TBC1D2B: variants seen among roughly 807,000 people sequenced by gnomAD.
TBC1D2B encodes the protein TBC1 domain family member 2B.
A neutral mutation model predicts 100.8 loss-of-function variants in TBC1D2B; 64 were observed. The observed-to-expected ratio is 0.64, with a 90% CI of 0.52 to 0.78. The LOEUF is 0.78. Among genes scored for constraint, TBC1D2B ranks in the 30% least tolerant of loss-of-function variants. The pLI, the probability that TBC1D2B is intolerant of heterozygous loss-of-function variation, is 0.00. For synonymous variants in TBC1D2B, 480 were observed against 479.7 expected, an observed-to-expected ratio of 1.00 and a Z score of -0.01; for missense variants, 1,052 against 1,218.4, an observed-to-expected ratio of 0.86 and a Z score of 2.03.
chr15:78,023,013 A>G (rs562453222), intron 6 of TBC1D2B, among the ~76,000 whole-genome samples: 1 of 152,312 alleles, frequency 6.6e-6, no homozygotes, highest in South Asian at 2.1e-4. Context: ...TATTCCAGCC[A>G]TGCTGCCATG....
rs117858506 is a variant in TBC1D2B, at chr15:78,036,094, T to A, written c.684-5924A>T. ...AGTAGCTATGCACTGACATAGTGGATACTGTACAATCCCTCTAAGTCACAT... is the reference window on the plus strand; with the variant it reads ...AGTAGCTATGCACTGACATAGTGGAAACTGTACAATCCCTCTAAGTCACAT... On this transcript the variant is annotated intron_variant, in intron 3 of 12. Transcript: ENST00000300584. Among the ~76,000 whole-genome samples the A allele has an allele frequency of 3.7e-4, 57 of 152,338 alleles. No homozygotes were observed. The East Asian group carries it at 8.3e-3, about 22-fold the overall frequency.
At chr15:78,036,402 G>A (rs376706138) in intron 3 of TBC1D2B, among the ~76,000 whole-genome samples, 6 of 152,196 alleles carry the variant, frequency 3.9e-5, no homozygotes, top group African/African-American at 1.2e-4. Flanking sequence ...AATAATCATT[G>A]TGACGGTATT....
intron 3 of TBC1D2B, among the ~76,000 whole-genome samples, chr15:78,031,883 A>T (rs1390341423): frequency 6.6e-6 from 1 of 152,204 alleles, no homozygotes; most frequent in Non-Finnish European, 1.5e-5. Context: ...AGAGAGGGAA[A>T]GCCAATGAGG....
At chr15:78,042,957 G>A (rs1162317098) in intron 3 of TBC1D2B, among the ~76,000 whole-genome samples, 5 of 152,122 alleles carry the variant, frequency 3.3e-5, no homozygotes, top group Non-Finnish European at 5.9e-5. Context: ...AAGAAGGTGG[G>A]ACTGCAGCCA....
At position 77,997,907 on chromosome 15, in the gene TBC1D2B, T is replaced by G; in HGVS notation, c.*253A>C. 1 of 357,864 alleles carries G rather than the reference T, an allele frequency of 2.8e-6. No individual in the cohort carries two copies. Among genetic ancestry groups the G allele is most frequent in the South Asian group, 6.6e-5 (1 of 15,142 alleles). The allele number at this position is 357,864 out of a possible 1,614,324, so 22.2% of individuals were successfully genotyped here. On this transcript the variant is annotated 3_prime_UTR_variant, in exon 13 of 13. Coordinates refer to ENST00000300584, the MANE Select transcript of TBC1D2B (RefSeq NM_144572.2). ...AAATAGCCACTGGTAAGCCTGAGGA[T>G]CCACCAACCAGGCAGAAAGCGTGAC...
intron 1 of TBC1D2B, among the ~76,000 whole-genome samples, chr15:78,070,767 C>T (rs2073730953): frequency 6.6e-6 from 1 of 152,246 alleles, no homozygotes; most frequent in South Asian, 2.1e-4. Context: ...AAGCAGTCCT[C>T]CTGCCTCAGC....
In TBC1D2B at chr15:77,997,639, C is replaced by G. The variant is rs2071798133; in HGVS notation, c.*521G>C. On this transcript the variant is annotated 3_prime_UTR_variant, in exon 13 of 13. Coordinates refer to ENST00000300584, the MANE Select transcript of TBC1D2B (RefSeq NM_144572.2). Reference sequence around the variant, plus strand: ...CTTTCCTACAGTGGCCATTTCTGAACAAGGGATGTGCCTGCTTTTCTAAGG... The same window carrying G: ...CTTTCCTACAGTGGCCATTTCTGAAGAAGGGATGTGCCTGCTTTTCTAAGG... 6.6e-6 allele frequency: 1 copy of G among 152,350 alleles called. No homozygotes were observed. The highest frequency in any genetic ancestry group is 1.5e-5 in the Non-Finnish European group (1 of 68,112). 9.4% of individuals were successfully genotyped at this position (152,350 alleles called of 1,614,324 possible). A position where few individuals can be genotyped will look rare whatever the true frequency, so the allele number is the denominator to read the frequency against.
intron 1 of TBC1D2B, among the ~76,000 whole-genome samples, chr15:78,058,399 C>G (rs1052438929): frequency 6.6e-6 from 1 of 152,218 alleles, no homozygotes; most frequent in Non-Finnish European, 1.5e-5. Flanking sequence ...AAACAGGCGC[C>G]TCCATATCTC....
intron 1 of TBC1D2B, among the ~76,000 whole-genome samples, chr15:78,069,723 T>C (rs1223739940): frequency 6.6e-6 from 1 of 152,042 alleles, no homozygotes; most frequent in East Asian, 1.9e-4. Flanking sequence ...AGGAGAAAAA[T>C]ACATTTAGAT....
chr15:78,054,018 T>C lies in TBC1D2B; in HGVS notation c.514+16A>G. 6.2e-7 allele frequency: 1 copy of C among 1,606,370 alleles called. No individual in the cohort carries two copies. The highest frequency in any genetic ancestry group is 8.5e-7 in the Non-Finnish European group (1 of 1,177,168). ...ACACAAAGAACTGACCCAGCTCCCCTTTATTTCTGCCTTACCAGTGTTATC... is the reference window on the plus strand; with the variant it reads ...ACACAAAGAACTGACCCAGCTCCCCCTTATTTCTGCCTTACCAGTGTTATC... On this transcript the variant is annotated intron_variant, in intron 2 of 12. Coordinates refer to ENST00000300584, the MANE Select transcript of TBC1D2B (RefSeq NM_144572.2).
rs1293073104 is a variant in TBC1D2B, at chr15:78,037,050, T to C, written c.684-6880A>G. ...TTAAGACATCAGAGCAAACACCTAA[T>C]AAACATGCACAGCCTCAAAGAAACC... On this transcript the variant is annotated intron_variant, in intron 3 of 12. Coordinates refer to ENST00000300584, the MANE Select transcript of TBC1D2B (RefSeq NM_144572.2). Among the ~76,000 whole-genome samples, 4 of 152,132 alleles carry C rather than the reference T, an allele frequency of 2.6e-5. 1 individual carries two copies. The highest frequency in any genetic ancestry group is 2.6e-4 in the Admixed American group (4 of 15,276).
intron 9 of TBC1D2B, among the ~76,000 whole-genome samples, chr15:78,011,288 T>G (rs980193245): frequency 9.2e-5 from 14 of 152,148 alleles, no homozygotes; most frequent in African/African-American, 3.4e-4. Flanking sequence ...CCTGCAGTAC[T>G]CTCATTTCAG....
At chr15:78,068,418 C>CAT (rs1457227270) in intron 1 of TBC1D2B, among the ~76,000 whole-genome samples, 1 of 150,812 alleles carries the variant, frequency 6.6e-6, no homozygotes, top group African/African-American at 2.4e-5. Context: ...CACACACACA[C>CAT]ACAGAGGATA....
Position 78,045,040 on chromosome 15 carries a change from A to G in TBC1D2B, c.543T>C (p.Ser181=). The change falls in exon 3 of 13, where the codon TCT becomes TCC. Residue 181 remains serine (S), a synonymous_variant. Coordinates refer to ENST00000300584, the MANE Select transcript of TBC1D2B (RefSeq NM_144572.2). ...CTAGGACATTTCTGGCTTTTTCTGC[A>G]GAAGCATTTGGGTGTGGGTAAATTA... The part of the protein sequence containing the change: ...TDLIYPHPNA[S]AEKARNVLAV... The G allele has an allele frequency of 6.2e-7, 1 of 1,612,404 alleles. No individual in the cohort carries two copies. The highest frequency in any genetic ancestry group is 8.5e-7 in the Non-Finnish European group (1 of 1,179,072).
intron 9 of TBC1D2B, 54 bp downstream of exon 9, chr15:78,012,769 G>A (rs553099724): frequency 8.6e-6 from 12 of 1,392,258 alleles, no homozygotes; most frequent in Middle Eastern, 2.0e-4. Flanking sequence ...AGGCAGCACC[G>A]GTGCCTACAA....
chr15:78,032,016 C>G (rs1317480493), intron 3 of TBC1D2B, among the ~76,000 whole-genome samples: 1 of 152,180 alleles, frequency 6.6e-6, no homozygotes. Context: ...GCAGTTGCAG[C>G]TCATAGAGCA....
chr15:78,052,195 T>C (rs1236802239), intron 2 of TBC1D2B, among the ~76,000 whole-genome samples: 1 of 152,164 alleles, frequency 6.6e-6, no homozygotes, highest in Non-Finnish European at 1.5e-5. Context: ...AGCCCTGTCA[T>C]CTGACTCCCC....
Position 78,031,574 on chromosome 15 carries a change from AAG to A in TBC1D2B, c.684-1406_684-1405del, listed in dbSNP as rs1326793949. The stretch of plus-strand genomic sequence containing the variant: ...GTCTCCAAAAAAAAAAAAAAAAAAA[AAG>A]AGAGAGAGAGAGGATTTTAGTAAAG... On this transcript the variant is annotated intron_variant, in intron 3 of 12. Transcript: ENST00000300584. Among the ~76,000 whole-genome samples the A allele has an allele frequency of 3.2e-4, 47 of 147,584 alleles. 1 individual carries two copies. Among genetic ancestry groups the A allele is most frequent in the Middle Eastern group, 3.5e-3 (1 of 286 alleles).
In TBC1D2B at chr15:78,077,302, C is replaced by T. The variant is rs1380931176; in HGVS notation, c.351G>A (p.Thr117=). ...GGGCGAGCGGTCCCACCTTGAGCAC[C>T]GTGACGGCTCCCGCGCTGTGCACCT... ...HFQVHSAGAV[T]VLKAPNRQLM... Residue 117 remains threonine, a synonymous_variant, in exon 1 of 13, where the codon ACG becomes ACA. Coordinates refer to ENST00000300584, the MANE Select transcript of TBC1D2B (RefSeq NM_144572.2). 2 of 1,517,412 alleles carry T rather than the reference C, an allele frequency of 1.3e-6. No homozygotes were observed. Among genetic ancestry groups the T allele is most frequent in the Non-Finnish European group, 1.8e-6 (2 of 1,134,636 alleles). 94.0% of individuals were successfully genotyped at this position (1,517,412 alleles called of 1,614,324 possible).
Sources: allele counts gnomAD v4.1 joint callset (sites outside exome capture counted in the v4.1 genomes callset), GRCh38; gene constraint gnomAD v4.1.1; transcripts MANE v1.5; gene names NCBI Gene and HGNC (gene_info 2026-07-23, HGNC 2026-07-21).